Variants in STPG2 observed in about 807,000 individuals in gnomAD.
STPG2 encodes sperm-tail PG-rich repeat-containing protein 2.
Under a neutral mutation model 54.2 loss-of-function variants are expected in STPG2, and 56 were observed. That is an observed-to-expected ratio of 1.03 (90% CI 0.83 to 1.29). The LOEUF is 1.29. Among genes scored for constraint, STPG2 ranks in the 50% most tolerant of loss-of-function variants. STPG2 has a pLI of 0.00. For synonymous variants in STPG2, 200 were observed against 181.8 expected (o/e 1.10, Z -0.81); for missense variants, 596 against 544.9 (o/e 1.09, Z -0.93).
intron 4 of STPG2, among the ~76,000 whole-genome samples, chr4:97,447,059 G>C (rs1160924418): frequency 2.6e-5 from 4 of 152,196 alleles, no homozygotes; most frequent in Admixed American, 2.6e-4. Context: ...TGACCAAAAT[G>C]CTGATAGTGA....
At chr4:97,657,227 CA>C (rs1040597093) in intron 10 of STPG2, among the ~76,000 whole-genome samples, 4 of 150,832 alleles carry the variant, frequency 2.7e-5, no homozygotes, top group East Asian at 1.9e-4. Flanking sequence ...AGTAAGTGGC[CA>C]AAAAAAAGTT....
chr4:97,815,161 G>A (rs886915685), intron 9 of STPG2, among the ~76,000 whole-genome samples: 8 of 152,122 alleles, frequency 5.3e-5, no homozygotes, highest in Admixed American at 1.3e-4. Flanking sequence ...TAATGGTAGC[G>A]AAAGAAAGTA....
At chr4:97,892,797 C>T (rs771841151) in intron 8 of STPG2, among the ~76,000 whole-genome samples, 5 of 152,076 alleles carry the variant, frequency 3.3e-5, no homozygotes, top group Non-Finnish European at 5.9e-5. Context: ...TAAAGAGAAT[C>T]CCCCTAAGGC....
intron 9 of STPG2, among the ~76,000 whole-genome samples, chr4:97,729,264 A>G (rs1195542366): frequency 1.3e-5 from 2 of 152,032 alleles, no homozygotes; most frequent in African/African-American, 4.8e-5. Flanking sequence ...GGAAGAATAT[A>G]TGACTTTTGC....
chr4:97,680,701 C>G (rs1041402656), intron 10 of STPG2, among the ~76,000 whole-genome samples: 4 of 151,964 alleles, frequency 2.6e-5, no homozygotes, highest in Admixed American at 2.6e-4. Flanking sequence ...ATCTGGAGCT[C>G]AGTTCTCAAA....
At chr4:98,063,938 C>A (rs561070941) in intron 5 of STPG2, among the ~76,000 whole-genome samples, 1 of 151,686 alleles carries the variant, frequency 6.6e-6, no homozygotes, top group South Asian at 2.1e-4. Flanking sequence ...CAGAGTGAGA[C>A]CCTGCCTCAA....
chr4:97,582,872 T>C (rs900174274), intron 10 of STPG2, among the ~76,000 whole-genome samples: 2 of 152,058 alleles, frequency 1.3e-5, no homozygotes, highest in Admixed American at 1.3e-4. Flanking sequence ...AATGCTATCA[T>C]AAGCTGGGAG....
intron 9 of STPG2, among the ~76,000 whole-genome samples, chr4:97,760,710 G>C (rs2149053282): frequency 6.6e-6 from 1 of 152,160 alleles, no homozygotes; most frequent in East Asian, 1.9e-4. Context: ...TCTGAGCAAG[G>C]GTCAGTATGC....
chr4:97,883,891 A>G (rs1443027874), intron 8 of STPG2, among the ~76,000 whole-genome samples: 1 of 152,194 alleles, frequency 6.6e-6, no homozygotes, highest in Non-Finnish European at 1.5e-5. Flanking sequence ...TAATGATCAA[A>G]GAACCTCAGA....
intron 9 of STPG2, among the ~76,000 whole-genome samples, chr4:97,724,612 A>T (rs1289804124): frequency 1.3e-5 from 2 of 152,132 alleles, no homozygotes; most frequent in East Asian, 1.9e-4. Flanking sequence ...TAGTTTCTGG[A>T]TATTTTTTAA....
chr4:97,540,825 C>T (rs1202804638), intron 4 of STPG2, among the ~76,000 whole-genome samples: 1 of 152,070 alleles, frequency 6.6e-6, no homozygotes, highest in Non-Finnish European at 1.5e-5. Context: ...ATACGCAAAT[C>T]AACAAACATA....
At chr4:97,740,190 A>C (rs1259865175) in intron 9 of STPG2, among the ~76,000 whole-genome samples, 1 of 152,164 alleles carries the variant, frequency 6.6e-6, no homozygotes, top group Non-Finnish European at 1.5e-5. Context: ...CTCTCAATAA[A>C]TTAGGTATTG....
At chr4:97,507,718 C>T (rs1730882890) in intron 4 of STPG2, among the ~76,000 whole-genome samples, 1 of 151,956 alleles carries the variant, frequency 6.6e-6, no homozygotes, top group African/African-American at 2.4e-5. Flanking sequence ...AAGTGCTATA[C>T]ATATGATGAC....
At chr4:97,782,700 CA>C (rs1226062162) in intron 9 of STPG2, among the ~76,000 whole-genome samples, 3 of 152,136 alleles carry the variant, frequency 2.0e-5, no homozygotes, top group Non-Finnish European at 2.9e-5. Flanking sequence ...CTCCAGTAAC[CA>C]AAACCACATG....
intron 9 of STPG2, among the ~76,000 whole-genome samples, chr4:97,768,220 A>C (rs899300051): frequency 2.0e-5 from 3 of 152,164 alleles, no homozygotes; most frequent in Non-Finnish European, 2.9e-5. Flanking sequence ...CATGCAAATG[A>C]CTTGCCAGGC....
intron 10 of STPG2, among the ~76,000 whole-genome samples, chr4:97,600,261 G>T (rs1733423550): frequency 6.6e-6 from 1 of 151,940 alleles, no homozygotes; most frequent in Non-Finnish European, 1.5e-5. Flanking sequence ...AATAATAATA[G>T]CACATGTAAA....
In STPG2 at chr4:97,635,177, A is replaced by G. The variant is rs376260202; in HGVS notation, c.1321-76060T>C. On this transcript the variant is annotated intron_variant, in intron 10 of 10. Coordinates refer to ENST00000295268, the MANE Select transcript of STPG2 (RefSeq NM_174952.3). Reference sequence around the variant, plus strand: ...CCCTACAAGCCAGAAGAGAGTGGGGACCAATATTCAACATTCTTAAAGAAA... The same window carrying G: ...CCCTACAAGCCAGAAGAGAGTGGGGGCCAATATTCAACATTCTTAAAGAAA... 3.3e-3 allele frequency among the ~76,000 whole-genome samples: 499 copies of G among 152,130 alleles called. 3 individuals carry two copies. The highest frequency in any genetic ancestry group is 0.011 in the African/African-American group (470 of 41,488).
intron 10 of STPG2, among the ~76,000 whole-genome samples, chr4:97,567,050 A>G (rs1174670793): frequency 3.3e-5 from 5 of 151,906 alleles, no homozygotes; most frequent in African/African-American, 1.2e-4. Flanking sequence ...AAATAAATAA[A>G]TAAATAAAAG....
At position 97,935,683 on chromosome 4, in the gene STPG2, C is replaced by T. The variant is rs543174060; in HGVS notation, c.1044+8214G>A. 1.6e-4 allele frequency among the ~76,000 whole-genome samples: 25 copies of T among 151,612 alleles called. No homozygotes were observed. The South Asian group carries it at 3.3e-3, about 20-fold the overall frequency. On this transcript the variant is annotated intron_variant, in intron 8 of 10. Transcript: ENST00000295268. ...CAGGATGTTCAACTTCCATGTAGTG[C>T]GGTTTTTAATGAGTTTCCTAATCCT...
Sources: gnomAD v4.1 joint callset for allele counts (sites outside exome capture counted in the v4.1 genomes callset) on GRCh38, gnomAD v4.1.1 for gene constraint, MANE v1.5 for transcripts, NCBI Gene and HGNC (gene_info 2026-07-23, HGNC 2026-07-21) for gene names.